SDHC: variants seen among roughly 807,000 people sequenced by gnomAD.
SDHC encodes the protein succinate dehydrogenase complex subunit C.
In SDHC, 11 loss-of-function variants were observed where a neutral mutation model predicts 22.6. The observed-to-expected ratio is 0.49, with a 90% CI of 0.31 to 0.81. The LOEUF (loss-of-function observed/expected upper bound fraction) is 0.81, where lower values mean the gene tolerates loss of function less well. SDHC is among the 30% of genes least tolerant of loss of function. SDHC has a pLI of 0.05. For synonymous variants in SDHC, 80 were observed against 77.8 expected, an observed-to-expected ratio of 1.03 and a Z score of -0.15; for missense variants, 160 against 212.0, an observed-to-expected ratio of 0.75 and a Z score of 1.52.
intron 3 of SDHC, among the ~76,000 whole-genome samples, chr1:161,330,860 T>G (rs77237059): frequency 0.12 from 17,712 of 151,688 alleles, 1,388 homozygotes; most frequent in African/African-American, 0.21. Context: ...ATTAGCCAGG[T>G]GTGGTGGTGC....
At chr1:161,336,980 C>T (rs1312819560) in intron 3 of SDHC, among the ~76,000 whole-genome samples, 2 of 151,972 alleles carry the variant, frequency 1.3e-5, no homozygotes, top group African/African-American at 4.8e-5. Context: ...GGCAATCCTC[C>T]TTCCTCAGTC....
chr1:161,322,754 A>G (rs56355322), intron 1 of SDHC, among the ~76,000 whole-genome samples: 1 of 150,002 alleles, frequency 6.7e-6, no homozygotes, highest in Non-Finnish European at 1.5e-5. Context: ...TTTTGTAGAG[A>G]TGGGGTTTTA....
intron 5 of SDHC, among the ~76,000 whole-genome samples, chr1:161,361,279 C>T (rs1672499887): frequency 6.6e-6 from 1 of 151,400 alleles, no homozygotes; most frequent in Non-Finnish European, 1.5e-5. Context: ...ATATATATGG[C>T]ACCACTTAGT....
chr1:161,331,997 C>T (rs1325580628), intron 3 of SDHC, among the ~76,000 whole-genome samples: 2 of 152,074 alleles, frequency 1.3e-5, no homozygotes, highest in African/African-American at 4.8e-5. Context: ...ATTTAAGAGA[C>T]AGGGTTTCAC....
At chr1:161,328,269 T>C (rs1311569799) in intron 2 of SDHC, 127 bp from the exon 3 acceptor site, 8 of 778,320 alleles carry the variant, frequency 1.0e-5, no homozygotes, top group Non-Finnish European at 1.4e-5. Flanking sequence ...CCCAAAGAGC[T>C]GAGATTACAG....
At chr1:161,315,109 C>A (rs1670558500) in intron 1 of SDHC, among the ~76,000 whole-genome samples, 1 of 152,216 alleles carries the variant, frequency 6.6e-6, no homozygotes, top group African/African-American at 2.4e-5. Context: ...TCTGAACTTT[C>A]CGCTGTCTAG....
chr1:161,317,339 T>A (rs1670654738), intron 1 of SDHC, among the ~76,000 whole-genome samples: 1 of 151,978 alleles, frequency 6.6e-6, no homozygotes, highest in Non-Finnish European at 1.5e-5. Flanking sequence ...TTATTTTTAT[T>A]TTTGGTTAAA....
At chr1:161,353,136 A>G (rs1039388755) in intron 4 of SDHC, among the ~76,000 whole-genome samples, 2 of 152,188 alleles carry the variant, frequency 1.3e-5, no homozygotes, top group East Asian at 3.8e-4. Flanking sequence ...AAAGCTGAAG[A>G]CACTGTTATT....
chr1:161,342,925 C>A (rs769721794), intron 4 of SDHC, among the ~76,000 whole-genome samples: 1 of 152,188 alleles, frequency 6.6e-6, no homozygotes, highest in Non-Finnish European at 1.5e-5. Flanking sequence ...CTGAGCCCCT[C>A]CATCGCGTCT....
chr1:161,359,096 CAA>C (rs1200754917), intron 5 of SDHC, among the ~76,000 whole-genome samples: 15 of 115,324 alleles, frequency 1.3e-4, no homozygotes, highest in Admixed American at 2.7e-4. Context: ...AACTCAGTCT[CAA>C]AAAAAAAAAA....
rs532235541 is a variant in SDHC at position 161,348,589 on chromosome 1, G to A, written c.241+7934G>A. Among the ~76,000 whole-genome samples, 139 of 150,924 alleles carry A rather than the reference G, an allele frequency of 9.2e-4. 1 individual carries two copies. Among genetic ancestry groups the A allele is most frequent in the African/African-American group, 3.2e-3 (133 of 41,156 alleles). ...TAATCCCAGCACTTTGGGAGGCTGA[G>A]GCGGGTGGATCACCTGAGATCAGGA... On this transcript the variant is annotated intron_variant, in intron 4 of 5. Transcript: ENST00000367975.
In SDHC at chr1:161,344,339, A is replaced by ATAG. The variant is rs552856700; in HGVS notation, c.241+3686_241+3688dup. ...TAGCCTGGAATGGTGGCATGCATCT[A>ATAG]TAGTCTCAGCTACTAGGGAGGCTGA... On this transcript the variant is annotated intron_variant, in intron 4 of 5. Coordinates refer to ENST00000367975, the MANE Select transcript of SDHC (RefSeq NM_003001.5). Among the ~76,000 whole-genome samples, 454 of 151,972 alleles carry ATAG rather than the reference A, an allele frequency of 3.0e-3. 1 individual carries two copies. The highest frequency in any genetic ancestry group is 0.014 in the South Asian group (69 of 4,810).
chr1:161,320,343 G>C (rs1180875176), intron 1 of SDHC, among the ~76,000 whole-genome samples: 1 of 152,044 alleles, frequency 6.6e-6, no homozygotes, highest in Non-Finnish European at 1.5e-5. Flanking sequence ...GCCATTCAAA[G>C]TTATATATCT....
At chr1:161,321,190 A>G (rs1203234983) in intron 1 of SDHC, among the ~76,000 whole-genome samples, 1 of 152,158 alleles carries the variant, frequency 6.6e-6, no homozygotes, top group Non-Finnish European at 1.5e-5. Flanking sequence ...TCCAGAGAAG[A>G]GTTTCAAAAA....
chr1:161,361,056 T>A (rs1287339176), intron 5 of SDHC, among the ~76,000 whole-genome samples: 1 of 152,084 alleles, frequency 6.6e-6, no homozygotes, highest in African/African-American at 2.4e-5. Flanking sequence ...GACGTTGCTG[T>A]GAGCCAAGAT....
intron 1 of SDHC, among the ~76,000 whole-genome samples, chr1:161,315,913 G>A (rs755569658): frequency 3.3e-5 from 5 of 152,118 alleles, no homozygotes; most frequent in Non-Finnish European, 5.9e-5. Context: ...CGGAGAGGGG[G>A]ATGTGGCAGG....
At chr1:161,315,298 C>G (rs1050608386) in intron 1 of SDHC, among the ~76,000 whole-genome samples, 4 of 152,222 alleles carry the variant, frequency 2.6e-5, no homozygotes, top group Admixed American at 1.3e-4. Context: ...TCTCATTTCT[C>G]TTTCCACTTC....
chr1:161,322,943 G>GT (rs966814193), intron 1 of SDHC, among the ~76,000 whole-genome samples: 10 of 152,014 alleles, frequency 6.6e-5, no homozygotes, highest in Admixed American at 1.3e-4. Context: ...GGCTTATTCT[G>GT]TTTTTTTGTT....
intron 3 of SDHC, among the ~76,000 whole-genome samples, chr1:161,335,143 T>C (rs1219852633): frequency 6.6e-6 from 1 of 152,212 alleles, no homozygotes; most frequent in Non-Finnish European, 1.5e-5. Context: ...TTGTTTGGTG[T>C]TTTATGATTT....
Sources: gnomAD v4.1 joint callset for allele counts (sites outside exome capture counted in the v4.1 genomes callset) on GRCh38, gnomAD v4.1.1 for gene constraint, MANE v1.5 for transcripts, NCBI Gene and HGNC (gene_info 2026-07-23, HGNC 2026-07-21) for gene names.